NEB: variants seen among roughly 807,000 people sequenced by gnomAD.
The protein encoded by NEB is nebulin, also known as nemaline myopathy type 2.
NEB carries 512 observed loss-of-function variants against 952.2 expected under a neutral mutation model. The observed-to-expected ratio is 0.54, with a 90% CI of 0.50 to 0.58. NEB has a LOEUF of 0.58. NEB is among the 20% of genes least tolerant of loss of function. The pLI is 0.00. For synonymous variants in NEB, 2,900 were observed against 3,149.8 expected, an observed-to-expected ratio of 0.92 and a Z score of 2.66; for missense variants, 8,428 against 9,231.1, an observed-to-expected ratio of 0.91 and a Z score of 3.56.
At chr2:151,527,358 T>A in intron 147 of NEB, 123 bp downstream of exon 147, 1 of 833,798 alleles carries the variant, frequency 1.2e-6, no homozygotes. Flanking sequence ...CATCCTCCTC[T>A]CCTTCTCGGA....
At chr2:151,506,041 A>C in intron 164 of NEB, 125 bp downstream of exon 164, 1 of 838,400 alleles carries the variant, frequency 1.2e-6, no homozygotes, top group Non-Finnish European at 2.1e-6. Context: ...GTGGTGGTAC[A>C]CAGGCACCTA....
chr2:151,537,810 G>A (rs1354845506), intron 140 of NEB, 62 bp downstream of exon 140: 8 of 1,097,966 alleles, frequency 7.3e-6, no homozygotes, highest in African/African-American at 1.6e-5. Flanking sequence ...TGCCATGTAT[G>A]ATTTCAGAGC....
chr2:151,563,612 C>T lies in NEB; in HGVS notation c.18687G>A (p.Arg6229=), dbSNP rs2153719286. The T allele has an allele frequency of 1.2e-6, 2 of 1,613,276 alleles. No homozygotes were observed. Among genetic ancestry groups the T allele is most frequent in the South Asian group, 2.2e-5 (2 of 91,076 alleles). ...VVHCLDFQKM[R]SALNYRKHYE... ...AAAGTGGACATTTACTTACCGCACT[C>T]CTCATCTTTTGGAAATCCAGACAGT... Residue 6229 remains arginine, a synonymous_variant, in exon 119 of 182, where the codon AGG becomes AGA. Coordinates refer to ENST00000397345, the MANE Select transcript of NEB (RefSeq NM_001164508.2).
intron 29 of NEB, 138 bp from the exon 30 acceptor site, chr2:151,680,966 T>C (rs2099409984): frequency 8.3e-6 from 6 of 724,466 alleles, no homozygotes; most frequent in South Asian, 3.3e-5. Context: ...AGATTCTTGA[T>C]TGGCTTGATG....
At position 151,529,206 on chromosome 2, in the gene NEB, T is replaced by G; in HGVS notation, c.21735+4A>C. On this transcript the variant is annotated splice_donor_region_variant and intron_variant, in intron 146 of 181. Coordinates refer to ENST00000397345, the MANE Select transcript of NEB (RefSeq NM_001164508.2). ...CCATGCTTGGGGAAGTTTCTGGAACTTACATTGGTGTTGACTTTGTAGGCG... is the reference window on the plus strand; with the variant it reads ...CCATGCTTGGGGAAGTTTCTGGAACGTACATTGGTGTTGACTTTGTAGGCG... 1.9e-6 allele frequency: 3 copies of G among 1,597,460 alleles called. No homozygotes were observed. The highest frequency in any genetic ancestry group is 2.6e-6 in the Non-Finnish European group (3 of 1,165,020).
chr2:151,644,618 T>C, intron 55 of NEB, 43 bp from the exon 56 acceptor site: 3 of 1,429,550 alleles, frequency 2.1e-6, no homozygotes, highest in Admixed American at 1.7e-5. Context: ...CTGTTCCCCA[T>C]AGACAAATAT....
At chr2:151,576,083 G>T (rs1404822173) in intron 106 of NEB, 68 bp downstream of exon 106, 2 of 1,174,900 alleles carry the variant, frequency 1.7e-6, no homozygotes, top group Non-Finnish European at 2.3e-6. Context: ...TAAAATAAAT[G>T]ACCAGGTTTA....
chr2:151,494,142 T>C lies in NEB; in HGVS notation c.24579+19A>G. 6.3e-7 allele frequency: 1 copy of C among 1,582,212 alleles called. No homozygotes were observed. Among genetic ancestry groups the C allele is most frequent in the African/African-American group, 1.3e-5 (1 of 74,612 alleles). Reference sequence around the variant, plus strand: ...TTATTTTGCAAAATTAAAAGCACTTTTGTTTCTCAAGACAATACCGAGCTA... The same window carrying C: ...TTATTTTGCAAAATTAAAAGCACTTCTGTTTCTCAAGACAATACCGAGCTA... On this transcript the variant is annotated intron_variant, in intron 174 of 181. Transcript: ENST00000397345.
chr2:151,656,679 C>G (rs1373881820), intron 48 of NEB, among the ~76,000 whole-genome samples: 1 of 151,828 alleles, frequency 6.6e-6, no homozygotes, highest in Non-Finnish European at 1.5e-5. Context: ...TCTTATTACT[C>G]TCCTCATTTT....
At chr2:151,694,248 G>T in intron 20 of NEB, 75 bp downstream of exon 20, 2 of 1,222,206 alleles carry the variant, frequency 1.6e-6, no homozygotes, top group Non-Finnish European at 2.4e-6. Flanking sequence ...TTAGGCTAAC[G>T]TCCATCCAAG....
intron 167 of NEB, 36 bp downstream of exon 167, chr2:151,502,757 A>G (rs1214862192): frequency 8.9e-7 from 1 of 1,120,496 alleles, no homozygotes; most frequent in Non-Finnish European, 1.4e-6. Flanking sequence ...AAATAAAATT[A>G]AGGGATTTTT....
chr2:151,731,938 G>A (rs1665511965), intron 3 of NEB, among the ~76,000 whole-genome samples: 1 of 152,192 alleles, frequency 6.6e-6, no homozygotes, highest in Non-Finnish European at 1.5e-5. Flanking sequence ...CAGAGAGGCT[G>A]AGTGTTACAT....
chr2:151,502,755 T>G, intron 167 of NEB, 38 bp downstream of exon 167: 1 of 1,136,706 alleles, frequency 8.8e-7, no homozygotes, highest in Non-Finnish European at 1.3e-6. Flanking sequence ...TTAAATAAAA[T>G]TAAGGGATTT....
chr2:151,698,802 T>C (rs2099620508), intron 13 of NEB, among the ~76,000 whole-genome samples: 1 of 151,968 alleles, frequency 6.6e-6, no homozygotes, highest in African/African-American at 2.4e-5. Context: ...CATGCCCGGC[T>C]AATTTTTTTG....
chr2:151,556,768 C>T (rs188524908), intron 124 of NEB, among the ~76,000 whole-genome samples: 288 of 89,782 alleles, frequency 3.2e-3, no homozygotes, highest in African/African-American at 0.011. Context: ...TAGTGGGAGA[C>T]TTTAACACCT....
At chr2:151,519,809 A>C (rs777413022) in intron 153 of NEB, 41 bp from the exon 154 acceptor site, 1 of 1,353,316 alleles carries the variant, frequency 7.4e-7, no homozygotes, top group Non-Finnish European at 1.1e-6. Flanking sequence ...CCTGGACATC[A>C]ATCAATTTGG....
chr2:151,680,962 T>A, intron 29 of NEB, 134 bp from the exon 30 acceptor site: 1 of 721,462 alleles, frequency 1.4e-6, no homozygotes, highest in South Asian at 1.7e-5. Context: ...CACTAGATTC[T>A]TGATTGGCTT....
At chr2:151,640,276 T>A (rs1574806897) in intron 61 of NEB, 79 bp downstream of exon 61, 2 of 1,566,746 alleles carry the variant, frequency 1.3e-6, no homozygotes, top group Non-Finnish European at 8.7e-7. Flanking sequence ...GGTGAGCTTG[T>A]GCCATATATT....
chr2:151,638,728 T>C (rs1428216257), intron 63 of NEB, among the ~76,000 whole-genome samples: 3 of 152,146 alleles, frequency 2.0e-5, no homozygotes, highest in African/African-American at 7.2e-5. Flanking sequence ...TCTGGAATGA[T>C]GGCACGTGGC....
Sources: allele counts gnomAD v4.1 joint callset (sites outside exome capture counted in the v4.1 genomes callset), GRCh38; gene constraint gnomAD v4.1.1; transcripts MANE v1.5; gene names NCBI Gene and HGNC (gene_info 2026-07-23, HGNC 2026-07-21).